HACE1: variants seen among roughly 807,000 people sequenced by gnomAD.
HACE1 encodes the protein E3 ubiquitin-protein ligase HACE1.
Under a neutral mutation model 118.4 loss-of-function variants are expected in HACE1, and 73 were observed. The ratio of observed to expected loss-of-function variants is 0.62; its 90% CI spans 0.51 to 0.75. HACE1 has a LOEUF of 0.75. HACE1 is among the 30% of genes least tolerant of loss of function. The probability of loss-of-function intolerance (pLI) is 0.00; values close to 1 mark genes in which losing one functional copy is unlikely to be tolerated. For synonymous variants in HACE1, 368 were observed against 374.8 expected, an observed-to-expected ratio of 0.98 and a Z score of 0.21; for missense variants, 749 against 1,102.2, an observed-to-expected ratio of 0.68 and a Z score of 4.54.
At chr6:104,732,869 A>G (rs1775366736) in intron 22 of HACE1, among the ~76,000 whole-genome samples, 1 of 152,228 alleles carries the variant, frequency 6.6e-6, no homozygotes, top group Admixed American at 6.5e-5. Context: ...GGTTTGGTTT[A>G]CTGATGAAAT....
chr6:104,734,622 C>T (rs1775617481), intron 22 of HACE1, among the ~76,000 whole-genome samples: 1 of 152,142 alleles, frequency 6.6e-6, no homozygotes, highest in Non-Finnish European at 1.5e-5. Flanking sequence ...CGTGTTGTTT[C>T]CCCTCAGCTT....
intron 22 of HACE1, among the ~76,000 whole-genome samples, chr6:104,735,170 T>C (rs1490988634): frequency 1.3e-5 from 2 of 152,100 alleles, no homozygotes; most frequent in African/African-American, 2.4e-5. Flanking sequence ...CATGGAAATC[T>C]CTATATTTAA....
At chr6:104,832,517 C>CG (rs919419384) in intron 6 of HACE1, among the ~76,000 whole-genome samples, 6 of 151,956 alleles carry the variant, frequency 3.9e-5, no homozygotes, top group Non-Finnish European at 8.8e-5. Context: ...CTTCAGCCTC[C>CG]GGAACAGCTG....
At chr6:104,799,192 A>G (rs986602830) in intron 7 of HACE1, among the ~76,000 whole-genome samples, 1 of 152,242 alleles carries the variant, frequency 6.6e-6, no homozygotes, top group African/African-American at 2.4e-5. Context: ...AGCATTGTTA[A>G]ATTAAGCAAA....
chr6:104,831,825 G>T (rs1461610627), intron 6 of HACE1, among the ~76,000 whole-genome samples: 1 of 141,542 alleles, frequency 7.1e-6, no homozygotes, highest in African/African-American at 2.6e-5. Flanking sequence ...CCCGGGAGGC[G>T]GAGCTTGCAG....
chr6:104,812,304 A>C (rs1022078940), intron 6 of HACE1, among the ~76,000 whole-genome samples: 2 of 152,128 alleles, frequency 1.3e-5, no homozygotes. Context: ...TGAGCTAGTC[A>C]TGGCAGCACA....
At chr6:104,760,741 G>C (rs1554227260) in intron 19 of HACE1, among the ~76,000 whole-genome samples, 3 of 152,162 alleles carry the variant, frequency 2.0e-5, no homozygotes, top group African/African-American at 7.2e-5. Context: ...CAAATAGGAA[G>C]AGAGGAAGTC....
At chr6:104,814,630 C>A (rs987865133) in intron 6 of HACE1, among the ~76,000 whole-genome samples, 1 of 137,060 alleles carries the variant, frequency 7.3e-6, no homozygotes, top group African/African-American at 2.9e-5. Flanking sequence ...AAGATTATTT[C>A]TAGGTTTAGA....
chr6:104,858,527 T>A (rs4541782), intron 1 of HACE1: 21,498 of 376,990 alleles, frequency 0.057, 792 homozygotes, highest in Middle Eastern at 0.11. Context: ...TAGTGAGACC[T>A]CATCTCTATA....
chr6:104,757,206 A>G (rs1778816416), intron 19 of HACE1, among the ~76,000 whole-genome samples: 2 of 152,160 alleles, frequency 1.3e-5, no homozygotes, highest in African/African-American at 2.4e-5. Context: ...CTCTGAAGAG[A>G]GCAGTGGTTC....
chr6:104,832,092 T>C (rs901420296), intron 6 of HACE1, among the ~76,000 whole-genome samples: 4 of 151,860 alleles, frequency 2.6e-5, no homozygotes, highest in Non-Finnish European at 4.4e-5. Flanking sequence ...ACAATGCAAG[T>C]AGAAAAATAG....
At chr6:104,798,052 G>A (rs1185083857) in intron 7 of HACE1, among the ~76,000 whole-genome samples, 3 of 131,672 alleles carry the variant, frequency 2.3e-5, no homozygotes, top group Admixed American at 8.2e-5. Context: ...TGGGTAACAA[G>A]AGCAAAACCC....
chr6:104,760,493 A>C (rs1285987671), intron 19 of HACE1, among the ~76,000 whole-genome samples: 2 of 152,218 alleles, frequency 1.3e-5, no homozygotes, highest in South Asian at 4.1e-4. Context: ...AAAATTCAAC[A>C]GCCTTTCATG....
At position 104,736,765 on chromosome 6, in the gene HACE1, T is replaced by A. The variant is rs9404576; in HGVS notation, c.2514-6349A>T. 7.2e-5 allele frequency among the ~76,000 whole-genome samples: 11 copies of A among 152,024 alleles called. No homozygotes were observed. In the East Asian group the frequency reaches 1.2e-3, roughly 16 times the overall value. Reference sequence around the variant, plus strand: ...AGTAACAAACTGCAAGAGAAGTACCTTGCCCAGCCTATTTATTCTTTAAAA... The same window carrying A: ...AGTAACAAACTGCAAGAGAAGTACCATGCCCAGCCTATTTATTCTTTAAAA... On this transcript the variant is annotated intron_variant, in intron 22 of 23. Transcript: ENST00000262903.
Position 104,750,321 on chromosome 6 carries a change from G to T in HACE1, c.2343+20C>A. ...TTTTTGTTGTTGTGTTACAACATAAGAACTGATGTTTTTCCTTACCAATTC... is the reference window on the plus strand; with the variant it reads ...TTTTTGTTGTTGTGTTACAACATAATAACTGATGTTTTTCCTTACCAATTC... On this transcript the variant is annotated intron_variant, in intron 20 of 23. Coordinates refer to ENST00000262903, the MANE Select transcript of HACE1 (RefSeq NM_020771.4). 6.2e-7 allele frequency: 1 copy of T among 1,603,534 alleles called. No individual in the cohort carries two copies. The highest frequency in any genetic ancestry group is 1.1e-5 in the South Asian group (1 of 90,704).
intron 20 of HACE1, among the ~76,000 whole-genome samples, chr6:104,744,814 G>T (rs942062139): frequency 6.6e-6 from 1 of 152,124 alleles, no homozygotes; most frequent in Non-Finnish European, 1.5e-5. Flanking sequence ...AAGATGTGGA[G>T]ATGTTTCCAC....
intron 14 of HACE1, among the ~76,000 whole-genome samples, chr6:104,778,869 A>G (rs973075284): frequency 7.9e-5 from 12 of 152,166 alleles, no homozygotes; most frequent in Non-Finnish European, 1.6e-4. Flanking sequence ...GAAATAACTT[A>G]AAGTGGAAAA....
At chr6:104,822,084 G>A (rs2499652) in intron 6 of HACE1, among the ~76,000 whole-genome samples, 65,733 of 150,854 alleles carry the variant, frequency 0.44, 15,901 homozygotes, top group East Asian at 0.58. Context: ...TTATCCAGGC[G>A]TGGGCCGGGC....
chr6:104,757,491 G>T (rs1778856375), intron 19 of HACE1, among the ~76,000 whole-genome samples: 1 of 152,156 alleles, frequency 6.6e-6, no homozygotes, highest in African/African-American at 2.4e-5. Context: ...CAGAAAGGAA[G>T]AGCATCAACA....
Sources: gnomAD v4.1 joint callset for allele counts (sites outside exome capture counted in the v4.1 genomes callset) on GRCh38, gnomAD v4.1.1 for gene constraint, MANE v1.5 for transcripts, NCBI Gene and HGNC (gene_info 2026-07-23, HGNC 2026-07-21) for gene names.